Variants in GABRA2 observed in about 807,000 individuals in gnomAD.
The protein encoded by GABRA2 is gamma-aminobutyric acid receptor subunit alpha-2.
GABRA2 carries 16 observed loss-of-function variants against 48.7 expected under a neutral mutation model. The ratio of observed to expected loss-of-function variants is 0.33; its 90% CI spans 0.22 to 0.50. The LOEUF (loss-of-function observed/expected upper bound fraction) is 0.50, where lower values mean the gene tolerates loss of function less well. Among genes scored for constraint, GABRA2 ranks in the 20% least tolerant of loss-of-function variants. The pLI, the probability that GABRA2 is intolerant of heterozygous loss-of-function variation, is 0.98. For synonymous variants in GABRA2, 185 were observed against 184.5 expected (o/e 1.00, Z -0.02); for missense variants, 275 against 535.6 (o/e 0.51, Z 4.80).
chr4:46,340,217 G>A (rs1732981227), intron 3 of GABRA2, among the ~76,000 whole-genome samples: 2 of 151,694 alleles, frequency 1.3e-5, no homozygotes, highest in South Asian at 2.1e-4. Flanking sequence ...GAAAATAACA[G>A]ATTTATTCAG....
chr4:46,388,576 G>C (rs2109389614), intron 2 of GABRA2, 60 bp downstream of exon 2: 1 of 1,579,896 alleles, frequency 6.3e-7, no homozygotes, highest in Non-Finnish European at 8.7e-7. Context: ...AGCATTAATG[G>C]CCTACAAGAA....
In GABRA2 at chr4:46,364,316, G is replaced by C. The variant is rs373928267; in HGVS notation, c.187+21758C>G. 5.9e-5 allele frequency: 9 copies of C among 152,250 alleles called. 1 individual carries two copies. Among genetic ancestry groups the C allele is most frequent in the African/African-American group, 1.7e-4 (7 of 41,562 alleles). The allele number at this position is 152,250 out of a possible 1,614,324, so 9.4% of individuals were successfully genotyped here. On this transcript the variant is annotated intron_variant, in intron 3 of 9. Transcript: ENST00000381620. ...TGTAAAGTACACTATGCCTAGCACA[G>C]GTTAAACACTGAAAAATGTATTTTA...
intron 8 of GABRA2, among the ~76,000 whole-genome samples, chr4:46,292,576 G>A (rs1185192622): frequency 6.6e-6 from 1 of 152,192 alleles, no homozygotes; most frequent in African/African-American, 2.4e-5. Flanking sequence ...GGCGCACTAA[G>A]TAGAGATTCT....
In GABRA2 at chr4:46,266,290, AATT is replaced by A. The variant is rs921162048; in HGVS notation, c.857-4165_857-4163del. Among the ~76,000 whole-genome samples the A allele has an allele frequency of 8.1e-5, 12 of 148,010 alleles. No individual in the cohort carries two copies. In the East Asian group the frequency reaches 1.2e-3, roughly 14 times the overall value. On this transcript the variant is annotated intron_variant, in intron 8 of 9. Coordinates refer to ENST00000381620, the MANE Select transcript of GABRA2 (RefSeq NM_000807.4). ...TTTTATATTAATAAGATAGTAAACAAATTATTATATTTAATTTTTAATATTTAA... is the reference window on the plus strand; with the variant it reads ...TTTTATATTAATAAGATAGTAAACAAATTATATTTAATTTTTAATATTTAA...
chr4:46,304,021 T>A (rs986705798), intron 7 of GABRA2, among the ~76,000 whole-genome samples: 1 of 152,156 alleles, frequency 6.6e-6, no homozygotes. Flanking sequence ...AAGGTTTTTT[T>A]GTTTTTTTTT....
At chr4:46,352,724 T>C (rs1735339558) in intron 3 of GABRA2, among the ~76,000 whole-genome samples, 1 of 152,080 alleles carries the variant, frequency 6.6e-6, no homozygotes. Flanking sequence ...CTTGTCTCTA[T>C]ATATCCAGAG....
At chr4:46,376,483 A>T (rs894733470) in intron 3 of GABRA2, among the ~76,000 whole-genome samples, 2 of 152,210 alleles carry the variant, frequency 1.3e-5, no homozygotes, top group African/African-American at 4.8e-5. Flanking sequence ...GCATCCCTCA[A>T]AATTATGACT....
At chr4:46,311,926 C>A (rs1327231052) in intron 5 of GABRA2, among the ~76,000 whole-genome samples, 1 of 152,112 alleles carries the variant, frequency 6.6e-6, no homozygotes, top group African/African-American at 2.4e-5. Context: ...TGGCGAAACA[C>A]CGTCTCTACT....
At chr4:46,276,086 C>A (rs1010870693) in intron 8 of GABRA2, among the ~76,000 whole-genome samples, 5 of 151,852 alleles carry the variant, frequency 3.3e-5, no homozygotes, top group African/African-American at 1.2e-4. Flanking sequence ...ATTACTCTTA[C>A]CAAAAATAAT....
Position 46,289,379 on chromosome 4 carries a change from T to G in GABRA2, c.856+14081A>C, listed in dbSNP as rs563003864. ...AATACTACGCAGCTATAAAAAAGAA[T>G]GAGATCACGTCCTTTGCAGGAACAT... On this transcript the variant is annotated intron_variant, in intron 8 of 9. Coordinates refer to ENST00000381620, the MANE Select transcript of GABRA2 (RefSeq NM_000807.4). 3.3e-5 allele frequency among the ~76,000 whole-genome samples: 5 copies of G among 152,258 alleles called. No individual in the cohort carries two copies. In the East Asian group the frequency reaches 7.7e-4, roughly 23 times the overall value.
chr4:46,336,681 A>G (rs1042409140), intron 3 of GABRA2, among the ~76,000 whole-genome samples: 2 of 152,208 alleles, frequency 1.3e-5, no homozygotes, highest in Non-Finnish European at 2.9e-5. Context: ...CCTTAGAGCA[A>G]TCATCAAATT....
chr4:46,311,182 C>T (rs1167856529), intron 5 of GABRA2, among the ~76,000 whole-genome samples: 1 of 152,136 alleles, frequency 6.6e-6, no homozygotes. Context: ...AGGGGCATTG[C>T]ATCTGAATAT....
In GABRA2 at chr4:46,305,595, C is replaced by G; in HGVS notation, c.676G>C (p.Gly226Arg). Residue 226 changes from glycine to arginine, a missense_variant, in exon 7 of 10, where the codon GGA becomes CGA. Coordinates refer to ENST00000381620, the MANE Select transcript of GABRA2 (RefSeq NM_000807.4). ...GTACTGGATTTAATTGTCTCCTTTC[C>G]GATTGATTGGCCCAGCAGGTCATAT... ...NQYDLLGQSI[G>R]KETIKSSTGE... The G allele has an allele frequency of 1.2e-6, 2 of 1,613,764 alleles. No individual in the cohort carries two copies.
chr4:46,265,112 T>A (rs1030752174), intron 8 of GABRA2, among the ~76,000 whole-genome samples: 1 of 150,168 alleles, frequency 6.7e-6, no homozygotes, highest in Non-Finnish European at 1.5e-5. Context: ...CTTAGCTCAC[T>A]GCAACCTGCA....
chr4:46,378,397 C>G (rs1248739345), intron 3 of GABRA2, among the ~76,000 whole-genome samples: 1 of 151,990 alleles, frequency 6.6e-6, no homozygotes, highest in Admixed American at 6.5e-5. Flanking sequence ...GCTGTATCCA[C>G]TCAGGGTTGA....
intron 8 of GABRA2, among the ~76,000 whole-genome samples, chr4:46,298,451 G>C (rs144321008): frequency 1.7e-4 from 26 of 152,102 alleles, no homozygotes; most frequent in African/African-American, 5.3e-4. Context: ...ACTCACAATA[G>C]TGGAAATGCA....
At chr4:46,293,348 C>T (rs1208324597) in intron 8 of GABRA2, among the ~76,000 whole-genome samples, 2 of 152,172 alleles carry the variant, frequency 1.3e-5, no homozygotes, top group Non-Finnish European at 2.9e-5. Flanking sequence ...ATTAATCTTT[C>T]TCCCATTCTT....
chr4:46,377,117 T>C (rs1306161800), intron 3 of GABRA2, among the ~76,000 whole-genome samples: 2 of 151,938 alleles, frequency 1.3e-5, no homozygotes, highest in Non-Finnish European at 2.9e-5. Flanking sequence ...TGCCTTGGCC[T>C]CCCAAAGTGC....
chr4:46,358,146 C>T (rs1406937587), intron 3 of GABRA2, among the ~76,000 whole-genome samples: 2 of 152,120 alleles, frequency 1.3e-5, no homozygotes, highest in African/African-American at 4.8e-5. Context: ...ATCTTTGCTT[C>T]ATTGAGGGAA....
Sources: allele counts gnomAD v4.1 joint callset (sites outside exome capture counted in the v4.1 genomes callset), GRCh38; gene constraint gnomAD v4.1.1; transcripts MANE v1.5; gene names NCBI Gene and HGNC (gene_info 2026-07-23, HGNC 2026-07-21).